Variants in STK32B observed in about 807,000 individuals in gnomAD.
STK32B encodes the protein serine/threonine kinase 32B, also known as serine/threonine-protein kinase 32B.
In STK32B, 43 loss-of-function variants were observed where a neutral mutation model predicts 52.6. The ratio of observed to expected loss-of-function variants is 0.82; its 90% CI spans 0.64 to 1.05. The LOEUF is 1.05. STK32B is among the 50% of genes least tolerant of loss of function. STK32B has a pLI of 0.00. For missense variants in STK32B, 621 were observed against 534.6 expected, an observed-to-expected ratio of 1.16 and a Z score of -1.59; for synonymous variants, 238 against 204.3, an observed-to-expected ratio of 1.17 and a Z score of -1.41.
At chr4:5,411,435 AAGT>A (rs1560390237) in intron 5 of STK32B, among the ~76,000 whole-genome samples, 1 of 152,252 alleles carries the variant, frequency 6.6e-6, no homozygotes, top group East Asian at 1.9e-4. Context: ...AGCAGACAAA[AAGT>A]AACAATGAAA....
intron 1 of STK32B, among the ~76,000 whole-genome samples, chr4:5,083,799 C>T (rs995722204): frequency 6.6e-6 from 1 of 151,404 alleles, no homozygotes; most frequent in Non-Finnish European, 1.5e-5. Context: ...TGCAGTGGCA[C>T]AATCTCGGCT....
At chr4:5,317,014 A>AATATAATATATTAT (rs1730976395) in intron 3 of STK32B, among the ~76,000 whole-genome samples, 2 of 25,610 alleles carry the variant, frequency 7.8e-5, no homozygotes, top group Non-Finnish European at 1.0e-4. Flanking sequence ...TAATATATAT[A>AATATAATATATTAT]ATATATAATA....
At chr4:5,256,462 G>C (rs1327778867) in intron 3 of STK32B, among the ~76,000 whole-genome samples, 4 of 152,214 alleles carry the variant, frequency 2.6e-5, no homozygotes, top group Admixed American at 2.0e-4. Flanking sequence ...CAGTCTTCAA[G>C]TAATTCTTCC....
At chr4:5,437,711 T>C (rs948609227) in intron 6 of STK32B, among the ~76,000 whole-genome samples, 2 of 152,210 alleles carry the variant, frequency 1.3e-5, no homozygotes, top group African/African-American at 2.4e-5. Context: ...GCATTTATCC[T>C]GTTGGGTGGT....
chr4:5,091,027 A>T (rs1713052598), intron 1 of STK32B, among the ~76,000 whole-genome samples: 1 of 152,204 alleles, frequency 6.6e-6, no homozygotes, highest in African/African-American at 2.4e-5. Context: ...TTCATGGGTA[A>T]ATTCTACAAA....
intron 6 of STK32B, chr4:5,435,875 T>C (rs1038838750): frequency 1.3e-5 from 2 of 152,348 alleles, no homozygotes; most frequent in African/African-American, 4.8e-5. Flanking sequence ...GAAGTGATAA[T>C]AGCAGAGGCC....
chr4:5,384,397 G>A (rs1179375880), intron 4 of STK32B, among the ~76,000 whole-genome samples: 1 of 152,062 alleles, frequency 6.6e-6, no homozygotes, highest in Non-Finnish European at 1.5e-5. Context: ...ACCGAGACTT[G>A]GGGAGTAAAA....
chr4:5,316,187 A>C (rs1730683125), intron 3 of STK32B, among the ~76,000 whole-genome samples: 1 of 101,216 alleles, frequency 9.9e-6, no homozygotes, highest in East Asian at 2.6e-4. Flanking sequence ...AACTAAATAT[A>C]TATATTTAGA....
intron 4 of STK32B, among the ~76,000 whole-genome samples, chr4:5,347,217 A>G (rs891705818): frequency 6.6e-6 from 1 of 152,228 alleles, no homozygotes; most frequent in Non-Finnish European, 1.5e-5. Context: ...TAGAAGCTGG[A>G]TTCAGCTAAG....
the STK32B span, among the ~76,000 whole-genome samples, chr4:5,040,125 A>C: frequency 6.6e-6 from 1 of 152,188 alleles, no homozygotes; most frequent in African/African-American, 2.4e-5. Context: ...TGTTGGCTGG[A>C]ACTTAATTCC....
At chr4:5,330,323 C>T (rs1268093531) in intron 3 of STK32B, among the ~76,000 whole-genome samples, 2 of 152,174 alleles carry the variant, frequency 1.3e-5, no homozygotes, top group Non-Finnish European at 2.9e-5. Context: ...TGATGCTATA[C>T]TACAATTGTT....
chr4:5,325,131 G>C (rs1731788643), intron 3 of STK32B, among the ~76,000 whole-genome samples: 1 of 152,140 alleles, frequency 6.6e-6, no homozygotes, highest in Admixed American at 6.5e-5. Flanking sequence ...CTATGAAATT[G>C]GATTTTTAAT....
At chr4:5,075,887 T>C (rs1052264914) in intron 1 of STK32B, among the ~76,000 whole-genome samples, 1 of 152,132 alleles carries the variant, frequency 6.6e-6, no homozygotes, top group Non-Finnish European at 1.5e-5. Flanking sequence ...TGTAATTACA[T>C]GTTTGCCTGA....
At chr4:5,408,011 AC>A (rs1737790434) in intron 5 of STK32B, among the ~76,000 whole-genome samples, 1 of 152,104 alleles carries the variant, frequency 6.6e-6, no homozygotes, top group Admixed American at 6.5e-5. Flanking sequence ...CCACCTCTGA[AC>A]CAGGAAGCAG....
At chr4:5,458,284 A>G (rs1716737984) in intron 8 of STK32B, among the ~76,000 whole-genome samples, 1 of 151,964 alleles carries the variant, frequency 6.6e-6, no homozygotes, top group South Asian at 2.1e-4. Context: ...TGAGTCTTGC[A>G]TGGAGCTGAG....
At chr4:5,280,816 T>G (rs908893065) in intron 3 of STK32B, among the ~76,000 whole-genome samples, 1 of 152,036 alleles carries the variant, frequency 6.6e-6, no homozygotes, top group African/African-American at 2.4e-5. Flanking sequence ...GGAGAATCAC[T>G]TGAGCCCAGA....
chr4:5,117,234 G>A (rs1030455554), intron 1 of STK32B, among the ~76,000 whole-genome samples: 1 of 152,304 alleles, frequency 6.6e-6, no homozygotes, highest in Middle Eastern at 3.4e-3. Flanking sequence ...AGAGGAAAGA[G>A]CCTTCAGCTT....
Position 5,460,339 on chromosome 4 carries a change from C to T in STK32B, c.909+111C>T. 6.8e-7 allele frequency: 1 copy of T among 1,474,472 alleles called. No individual in the cohort carries two copies. The highest frequency in any genetic ancestry group is 9.1e-7 in the Non-Finnish European group (1 of 1,100,308). 91.3% of individuals were successfully genotyped at this position (1,474,472 alleles called of 1,614,324 possible). A position where few individuals can be genotyped will look rare whatever the true frequency, so the allele number is the denominator to read the frequency against. On this transcript the variant is annotated intron_variant, in intron 9 of 11. Coordinates refer to ENST00000282908, the MANE Select transcript of STK32B (RefSeq NM_018401.3). This position sits in a 1 kb window ranked among gnomAD's most constrained non-coding sequence, Gnocchi z 4.8. ...TGAGCCCTCTGCTGGCCACTTCCAC[C>T]TGAGCACCAAGGGCTTATGTCTTGC...
chr4:5,202,453 C>A (rs923735324), intron 3 of STK32B, among the ~76,000 whole-genome samples: 3 of 152,222 alleles, frequency 2.0e-5, no homozygotes, highest in Non-Finnish European at 4.4e-5. Flanking sequence ...AGTGGATCTA[C>A]CATTCTGGAG....
Sources: allele counts gnomAD v4.1 joint callset (sites outside exome capture counted in the v4.1 genomes callset), GRCh38; gene constraint gnomAD v4.1.1; non-coding constraint Gnocchi (gnomAD v3.1); transcripts MANE v1.5; gene names NCBI Gene and HGNC (gene_info 2026-07-23, HGNC 2026-07-21).